Variants in SGMS1 observed in about 807,000 individuals in gnomAD.
SGMS1 encodes phosphatidylcholine:ceramide cholinephosphotransferase 1.
Under a neutral mutation model 46.2 loss-of-function variants are expected in SGMS1, and 13 were observed. That is an observed-to-expected ratio of 0.28 (90% CI 0.18 to 0.45). SGMS1 has a LOEUF of 0.45. Ranked by LOEUF, SGMS1 falls within the 20% of genes least tolerant of loss-of-function variation. The pLI is 1.00. For synonymous variants in SGMS1, 203 were observed against 187.8 expected, an observed-to-expected ratio of 1.08 and a Z score of -0.66; for missense variants, 324 against 519.9, an observed-to-expected ratio of 0.62 and a Z score of 3.66.
intron 6 of SGMS1, among the ~76,000 whole-genome samples, chr10:50,351,183 C>T (rs1027546023): frequency 2.0e-5 from 3 of 152,168 alleles, no homozygotes; most frequent in African/African-American, 7.2e-5. Context: ...GGAGTTTGGA[C>T]TTACATGGGT....
At chr10:50,458,752 T>C (rs1837228358) in intron 5 of SGMS1, among the ~76,000 whole-genome samples, 1 of 152,106 alleles carries the variant, frequency 6.6e-6, no homozygotes, top group South Asian at 2.1e-4. Context: ...CACATCTATC[T>C]CTCAGGATTT....
chr10:50,537,456 T>G (rs117608889), intron 2 of SGMS1, among the ~76,000 whole-genome samples: 14,701 of 102,440 alleles, frequency 0.14, 892 homozygotes, highest in Middle Eastern at 0.26. Flanking sequence ...TATATATAGA[T>G]ATATATATAT....
At chr10:50,569,299 T>TAAA (rs72066798) in intron 2 of SGMS1, among the ~76,000 whole-genome samples, 41,114 of 130,074 alleles carry the variant, frequency 0.32, 7,391 homozygotes, top group Non-Finnish European at 0.4. Flanking sequence ...CTTAAAGTAT[T>TAAA]AAAAAAAAAA....
intron 1 of SGMS1, among the ~76,000 whole-genome samples, chr10:50,614,111 CTT>C (rs143712383): frequency 7.6e-5 from 11 of 145,076 alleles, no homozygotes; most frequent in African/African-American, 7.6e-5. Flanking sequence ...GGAAGTCTTT[CTT>C]TTTTTTTTTT....
At chr10:50,351,010 C>T (rs1848001895) in intron 6 of SGMS1, among the ~76,000 whole-genome samples, 1 of 152,182 alleles carries the variant, frequency 6.6e-6, no homozygotes. Context: ...ACACTCAATG[C>T]CAGTCCATGA....
intron 3 of SGMS1, among the ~76,000 whole-genome samples, chr10:50,495,924 G>A (rs111803849): frequency 1.8e-3 from 273 of 152,162 alleles, no homozygotes; most frequent in African/African-American, 6.0e-3. Flanking sequence ...TTTCACTTTC[G>A]GCATCCTTCT....
intron 1 of SGMS1, among the ~76,000 whole-genome samples, chr10:50,597,331 C>T (rs1039033807): frequency 1.3e-4 from 20 of 152,144 alleles, no homozygotes; most frequent in African/African-American, 4.3e-4. Flanking sequence ...ATATTAAATG[C>T]CAGCAAAAAT....
At chr10:50,499,139 A>G (rs560383855) in intron 3 of SGMS1, among the ~76,000 whole-genome samples, 6 of 152,318 alleles carry the variant, frequency 3.9e-5, no homozygotes, top group Non-Finnish European at 8.8e-5. Context: ...ACTTTCTGAG[A>G]GGTAATTTTA....
At chr10:50,407,261 G>A (rs944547261) in intron 6 of SGMS1, among the ~76,000 whole-genome samples, 1 of 152,184 alleles carries the variant, frequency 6.6e-6, no homozygotes, top group Admixed American at 6.5e-5. Flanking sequence ...AAAAATCTAG[G>A]TGAAGAAGTG....
intron 9 of SGMS1, 34 bp from the exon 10 acceptor site, chr10:50,308,182 A>G (rs371229231): frequency 1.9e-5 from 31 of 1,596,814 alleles, no homozygotes; most frequent in Non-Finnish European, 2.6e-5. Flanking sequence ...TAGTCCCATT[A>G]TTCAAATGAC....
At chr10:50,424,912 C>CAACA (rs1371303471) in intron 6 of SGMS1, among the ~76,000 whole-genome samples, 2 of 52,162 alleles carry the variant, frequency 3.8e-5, no homozygotes, top group Non-Finnish European at 7.6e-5. Context: ...AACTCCGTCT[C>CAACA]AAAAAAAAAA....
Position 50,399,008 on chromosome 10 carries a change from G to A in SGMS1, c.-232+34468C>T, listed in dbSNP as rs570399637. ...GTAGATTAGTAGTTGCCTAGGGCTCGGTGTGGAAGTAGAGATTAAATGTAA... is the reference window on the plus strand; with the variant it reads ...GTAGATTAGTAGTTGCCTAGGGCTCAGTGTGGAAGTAGAGATTAAATGTAA... On this transcript the variant is annotated intron_variant, in intron 6 of 10. Transcript: ENST00000361781. Among the ~76,000 whole-genome samples the A allele has an allele frequency of 4.6e-5, 7 of 152,100 alleles. No homozygotes were observed. The East Asian group carries it at 9.6e-4, about 21-fold the overall frequency.
intron 2 of SGMS1, among the ~76,000 whole-genome samples, chr10:50,576,988 G>A (rs1564436061): frequency 1.3e-5 from 2 of 152,178 alleles, no homozygotes; most frequent in African/African-American, 2.4e-5. Flanking sequence ...GGGACTTAAA[G>A]CCCTGGGAGT....
chr10:50,528,971 T>C (rs1837928870), intron 2 of SGMS1, among the ~76,000 whole-genome samples: 1 of 152,230 alleles, frequency 6.6e-6, no homozygotes, highest in Non-Finnish European at 1.5e-5. Flanking sequence ...CTGTCAGAGA[T>C]GGGCAATTTA....
At chr10:50,509,172 G>GCT (rs1564420685) in intron 3 of SGMS1, among the ~76,000 whole-genome samples, 1 of 152,206 alleles carries the variant, frequency 6.6e-6, no homozygotes, top group African/African-American at 2.4e-5. Flanking sequence ...AAGGATAGAA[G>GCT]TTATATCCTT....
intron 6 of SGMS1, among the ~76,000 whole-genome samples, chr10:50,392,612 T>C (rs1848789539): frequency 1.3e-5 from 2 of 152,164 alleles, no homozygotes; most frequent in African/African-American, 4.8e-5. Context: ...TACCAGAAAG[T>C]GTACCTTCAT....
intron 2 of SGMS1, among the ~76,000 whole-genome samples, chr10:50,520,228 A>C (rs868223493): frequency 6.6e-6 from 1 of 152,096 alleles, no homozygotes; most frequent in Non-Finnish European, 1.5e-5. Context: ...TTTCTCTACA[A>C]ATAATTTTTA....
chr10:50,509,628 A>G (rs1020214417), intron 3 of SGMS1, among the ~76,000 whole-genome samples: 2 of 152,228 alleles, frequency 1.3e-5, no homozygotes, highest in African/African-American at 4.8e-5. Flanking sequence ...CGCTAGAATC[A>G]GCAGCTTTTG....
intron 3 of SGMS1, among the ~76,000 whole-genome samples, chr10:50,505,268 ACAAT>A (rs1471888933): frequency 4.6e-5 from 7 of 152,188 alleles, no homozygotes; most frequent in Non-Finnish European, 1.0e-4. Context: ...TCCCATAGAA[ACAAT>A]CAGAGGAATT....
Sources: gnomAD v4.1 joint callset for allele counts (sites outside exome capture counted in the v4.1 genomes callset) on GRCh38, gnomAD v4.1.1 for gene constraint, MANE v1.5 for transcripts, NCBI Gene and HGNC (gene_info 2026-07-23, HGNC 2026-07-21) for gene names.